GTF2I: variants seen among roughly 807,000 people sequenced by gnomAD.
GTF2I encodes general transcription factor II-I.
In GTF2I, 12 loss-of-function variants were observed where a neutral mutation model predicts 67.6. That is an observed-to-expected ratio of 0.18 (90% confidence interval 0.11 to 0.29). The LOEUF (loss-of-function observed/expected upper bound fraction) is 0.29, where lower values mean the gene tolerates loss of function less well. Among genes scored for constraint, GTF2I ranks in the 10% least tolerant of loss-of-function variants. The pLI is 1.00. For synonymous variants in GTF2I, 149 were observed against 197.0 expected, an observed-to-expected ratio of 0.76 and a Z score of 2.04; for missense variants, 271 against 580.1, an observed-to-expected ratio of 0.47 and a Z score of 5.47.
intron 1 of GTF2I, among the ~76,000 whole-genome samples, chr7:74,688,595 G>A (rs1282883959): frequency 2.0e-5 from 3 of 152,054 alleles, no homozygotes; most frequent in African/African-American, 7.2e-5. Context: ...GTGCTGGGAT[G>A]ATAGGCATGA....
intron 1 of GTF2I, among the ~76,000 whole-genome samples, chr7:74,677,088 C>T (rs146566208): frequency 2.9e-4 from 44 of 151,804 alleles, no homozygotes; most frequent in East Asian, 2.7e-3. Context: ...AACAAAAAAC[C>T]GAAAAAACCC....
At chr7:74,672,302 G>A (rs760591516) in intron 1 of GTF2I, among the ~76,000 whole-genome samples, 11 of 152,058 alleles carry the variant, frequency 7.2e-5, no homozygotes, top group Non-Finnish European at 1.6e-4. Context: ...ACTTCGGGAG[G>A]CTGAGGCGTG....
intron 4 of GTF2I, 195 bp from the exon 5 acceptor site, chr7:74,700,052 T>A: frequency 1.8e-6 from 1 of 557,162 alleles, no homozygotes; most frequent in East Asian, 3.0e-5. Flanking sequence ...ACTTTTCATT[T>A]TGGCCCTTCG....
chr7:74,676,563 T>G (rs1163460455), intron 1 of GTF2I, among the ~76,000 whole-genome samples: 1 of 152,036 alleles, frequency 6.6e-6, no homozygotes, highest in Non-Finnish European at 1.5e-5. Context: ...ATTAAGACAT[T>G]TAGTGTGAAC....
chr7:74,674,439 T>C (rs2131229709), intron 1 of GTF2I, among the ~76,000 whole-genome samples: 1 of 152,202 alleles, frequency 6.6e-6, no homozygotes, highest in East Asian at 1.9e-4. Context: ...ATCTTTCACG[T>C]AGAGACTTGC....
chr7:74,749,883 C>G (rs1227497911), intron 26 of GTF2I, among the ~76,000 whole-genome samples: 1 of 135,698 alleles, frequency 7.4e-6, no homozygotes, highest in African/African-American at 2.7e-5. Flanking sequence ...AGCAAAACTC[C>G]ATCTCAAAAA....
rs1489297801 is a variant in GTF2I, at chr7:74,758,055, C to CTTT, written c.2938+67_2938+69dup. 55 of 129,732 alleles carry CTTT rather than the reference C, an allele frequency of 4.2e-4. No individual in the cohort carries two copies. In the South Asian group the frequency reaches 4.6e-3, roughly 11 times the overall value. 8.0% of individuals were successfully genotyped at this position (129,732 alleles called of 1,614,324 possible). A position where few individuals can be genotyped will look rare whatever the true frequency, so the allele number is the denominator to read the frequency against. On this transcript the variant is annotated intron_variant, in intron 33 of 34. Transcript: ENST00000573035. ...TTAAGACTTCTTCTTTCTTCTTCTT[C>CTTT]TTTTTTTTTTTTTTAAAGACAGAGA...
intron 1 of GTF2I, among the ~76,000 whole-genome samples, chr7:74,688,752 CAGGGGAGAAG>C (rs1473509032): frequency 2.0e-5 from 3 of 152,246 alleles, no homozygotes; most frequent in Non-Finnish European, 4.4e-5. Flanking sequence ...TCAGGATGTT[CAGGGGAGAAG>C]AGGGCTTAGC....
chr7:74,714,819 G>A (rs1554403272), intron 9 of GTF2I, 38 bp from the exon 10 acceptor site: 3 of 1,437,002 alleles, frequency 2.1e-6, no homozygotes, highest in Non-Finnish European at 2.9e-6. Context: ...TTTTTTTGGG[G>A]GGGATTACTT....
chr7:74,722,289 A>G (rs1419730296), intron 12 of GTF2I, among the ~76,000 whole-genome samples: 1 of 152,194 alleles, frequency 6.6e-6, no homozygotes, highest in African/African-American at 2.4e-5. Context: ...CATTTAAAAC[A>G]TACGTGACTT....
chr7:74,726,407 TAC>T, intron 12 of GTF2I: 1 of 152,322 alleles, frequency 6.6e-6, no homozygotes, highest in East Asian at 1.9e-4. Flanking sequence ...GGTCCAAACT[TAC>T]ACACTTCTGT....
intron 3 of GTF2I, among the ~76,000 whole-genome samples, chr7:74,696,583 C>G (rs782318353): frequency 2.0e-5 from 3 of 151,956 alleles, no homozygotes; most frequent in Admixed American, 6.6e-5. Context: ...AGCTTCACCT[C>G]CCGGGTTCAC....
intron 12 of GTF2I, among the ~76,000 whole-genome samples, chr7:74,720,422 C>T (rs1323588992): frequency 1.3e-5 from 2 of 152,126 alleles, no homozygotes; most frequent in Non-Finnish European, 2.9e-5. Context: ...GTAGCTTCCA[C>T]TTAATACAAG....
At chr7:74,660,685 G>T (rs1295433913) in intron 1 of GTF2I, among the ~76,000 whole-genome samples, 2 of 143,282 alleles carry the variant, frequency 1.4e-5, no homozygotes, top group African/African-American at 2.6e-5. Flanking sequence ...GCAGTGGCGC[G>T]ATCTCGGCTC....
At chr7:74,729,813 G>A (rs1300829609) in intron 13 of GTF2I, among the ~76,000 whole-genome samples, 4 of 151,876 alleles carry the variant, frequency 2.6e-5, no homozygotes, top group Admixed American at 2.0e-4. Flanking sequence ...CTATATATCC[G>A]TAAAGTCTTA....
intron 1 of GTF2I, among the ~76,000 whole-genome samples, chr7:74,660,156 G>A (rs928551908): frequency 6.6e-6 from 1 of 151,236 alleles, no homozygotes; most frequent in Non-Finnish European, 1.5e-5. Context: ...TTGCTCATAT[G>A]CAGCCACTTC....
At chr7:74,737,736 C>CAT (rs1794919959) in intron 18 of GTF2I, among the ~76,000 whole-genome samples, 1 of 146,528 alleles carries the variant, frequency 6.8e-6, no homozygotes, top group Non-Finnish European at 1.5e-5. Flanking sequence ...TAAGATGCTA[C>CAT]AGCGAGCTGC....
intron 6 of GTF2I, among the ~76,000 whole-genome samples, chr7:74,704,638 C>T (rs1253317759): frequency 1.3e-5 from 2 of 151,848 alleles, no homozygotes; most frequent in African/African-American, 2.4e-5. Context: ...TCCCTTGAGG[C>T]CAGGAGTTCG....
At chr7:74,703,150 T>C (rs1457503858) in intron 6 of GTF2I, among the ~76,000 whole-genome samples, 1 of 152,182 alleles carries the variant, frequency 6.6e-6, no homozygotes, top group African/African-American at 2.4e-5. Flanking sequence ...TTATATAGTC[T>C]TGATATAAGT....
Sources: allele counts gnomAD v4.1 joint callset (sites outside exome capture counted in the v4.1 genomes callset), GRCh38; gene constraint gnomAD v4.1.1; transcripts MANE v1.5; gene names NCBI Gene and HGNC (gene_info 2026-07-23, HGNC 2026-07-21).